TNN: variants seen among roughly 807,000 people sequenced by gnomAD.
TNN encodes tenascin-N.
In TNN, 122 loss-of-function variants were observed where a neutral mutation model predicts 134.4. The observed-to-expected ratio is 0.91, with a 90% CI of 0.78 to 1.06. The LOEUF (loss-of-function observed/expected upper bound fraction) is 1.06. Ranked by LOEUF, TNN falls within the 50% of genes least tolerant of loss-of-function variation. TNN has a pLI of 0.00. For synonymous variants in TNN, 710 were observed against 670.3 expected (o/e 1.06, Z -0.91); for missense variants, 1,739 against 1,699.4 (o/e 1.02, Z -0.41).
At chr1:175,076,424 C>A (rs1288245284) in intron 1 of TNN, among the ~76,000 whole-genome samples, 4 of 152,172 alleles carry the variant, frequency 2.6e-5, no homozygotes, top group Non-Finnish European at 5.9e-5. Flanking sequence ...AACAGGCTCA[C>A]GGCCTAAGAC....
chr1:175,123,687 G>T, intron 12 of TNN, 24 bp downstream of exon 12: 1 of 1,613,482 alleles, frequency 6.2e-7, no homozygotes, highest in Non-Finnish European at 8.5e-7. Flanking sequence ...CCAGGCCAGG[G>T]GAACACCTCA....
At chr1:175,096,190 A>C (rs1674564427) in intron 7 of TNN, among the ~76,000 whole-genome samples, 1 of 152,268 alleles carries the variant, frequency 6.6e-6, no homozygotes, top group Non-Finnish European at 1.5e-5. Flanking sequence ...GGGGTCATGC[A>C]GGCTGTGGGA....
chr1:175,130,562 G>A (rs1324303375), intron 15 of TNN, among the ~76,000 whole-genome samples: 6 of 152,130 alleles, frequency 3.9e-5, no homozygotes, highest in African/African-American at 1.4e-4. Context: ...CTTTTGGCAG[G>A]ACGTTTGTAT....
chr1:175,135,976 G>A (rs759276965), intron 16 of TNN, 35 bp downstream of exon 16: 4 of 1,499,342 alleles, frequency 2.7e-6, no homozygotes, highest in Middle Eastern at 2.2e-4. Flanking sequence ...TGGGGCTGTG[G>A]GGGGTGATTT....
rs780175332 is a variant in TNN, at chr1:175,079,724, G to A, written c.784+17G>A. ...GTGCCCAGGGTGAGAGCGGAGATGT[G>A]CCCTCGGGCCGCCGGACTCTTCTTT... On this transcript the variant is annotated intron_variant, in intron 3 of 18. Coordinates refer to ENST00000239462, the MANE Select transcript of TNN (RefSeq NM_022093.2). The A allele has an allele frequency of 1.9e-6, 3 of 1,558,450 alleles. No individual in the cohort carries two copies. In the South Asian group the frequency reaches 3.6e-5, roughly 19 times the overall value.
At chr1:175,085,256 CT>C in intron 5 of TNN, 148 bp from the exon 6 acceptor site, 1 of 615,036 alleles carries the variant, frequency 1.6e-6, no homozygotes, top group Non-Finnish European at 3.0e-6. Flanking sequence ...ACCTGCGGGG[CT>C]TTATTTGCCT....
chr1:175,074,215 G>A (rs1160533373), intron 1 of TNN, among the ~76,000 whole-genome samples: 1 of 152,154 alleles, frequency 6.6e-6, no homozygotes, highest in African/African-American at 2.4e-5. Context: ...AGGTGTAGTG[G>A]CTCATGGCTG....
chr1:175,117,456 T>C (rs1442518904), intron 10 of TNN, among the ~76,000 whole-genome samples: 1 of 152,230 alleles, frequency 6.6e-6, no homozygotes, highest in African/African-American at 2.4e-5. Context: ...TCTGATTGCA[T>C]GGATCTTTTG....
At chr1:175,137,364 GTGTGTGTGT>G (rs1304950142) in intron 17 of TNN, among the ~76,000 whole-genome samples, 4 of 31,574 alleles carry the variant, frequency 1.3e-4, no homozygotes, top group African/African-American at 4.8e-4. Flanking sequence ...CTGCACAGTA[GTGTGTGTGT>G]GTGTGTGTGT....
intron 8 of TNN, 65 bp downstream of exon 8, chr1:175,097,748 T>C: frequency 1.3e-6 from 2 of 1,597,118 alleles, no homozygotes. Flanking sequence ...AGGTATGGTA[T>C]CAAAGGATGT....
chr1:175,071,818 A>G (rs1673921281), intron 1 of TNN, among the ~76,000 whole-genome samples: 1 of 152,218 alleles, frequency 6.6e-6, no homozygotes, highest in South Asian at 2.1e-4. Context: ...GATAATTTTT[A>G]TAGCGTTTGG....
rs1353685822 is a variant in TNN at position 175,140,191 on chromosome 1, C to G, written c.3595+3203C>G. On this transcript the variant is annotated intron_variant, in intron 17 of 18. Coordinates refer to ENST00000239462, the MANE Select transcript of TNN (RefSeq NM_022093.2). The stretch of plus-strand genomic sequence containing the variant: ...CACACATTCCAGTCTGTCCCAGAGC[C>G]CTTGGGCCTCTTCAGTCCACATGGA... Among the ~76,000 whole-genome samples the G allele has an allele frequency of 3.3e-5, 5 of 152,238 alleles. No individual in the cohort carries two copies. The East Asian group carries it at 7.7e-4, about 23-fold the overall frequency.
At chr1:175,120,430 C>A (rs1452763444) in intron 11 of TNN, among the ~76,000 whole-genome samples, 1 of 152,176 alleles carries the variant, frequency 6.6e-6, no homozygotes, top group Non-Finnish European at 1.5e-5. Context: ...GTTGCATCAG[C>A]AGGAATGGAG....
chr1:175,124,838 C>T (rs1675468424), intron 12 of TNN, among the ~76,000 whole-genome samples: 1 of 152,184 alleles, frequency 6.6e-6, no homozygotes, highest in African/African-American at 2.4e-5. Context: ...TTTCTCTGTT[C>T]CTTTCTCTCT....
Position 175,104,788 on chromosome 1 carries a change from G to A in TNN, c.2119+6193G>A, listed in dbSNP as rs972923870. ...TATCTTTTAGAATCAATTGACCCTC[G>A]AGTGATTCGGGTGACAGGGGAGTAT... On this transcript the variant is annotated intron_variant, in intron 9 of 18. Coordinates refer to ENST00000239462, the MANE Select transcript of TNN (RefSeq NM_022093.2). Among the ~76,000 whole-genome samples the A allele has an allele frequency of 4.8e-5, 7 of 145,884 alleles. 2 individuals carry two copies. The highest frequency in any genetic ancestry group is 4.6e-4 in the East Asian group (2 of 4,358).
rs149902840 is a variant in TNN at position 175,109,384 on chromosome 1, G to A, written c.2120-7555G>A. Among the ~76,000 whole-genome samples the A allele has an allele frequency of 3.7e-3, 565 of 151,822 alleles. 4 individuals are homozygous for A. Among genetic ancestry groups the A allele is most frequent in the African/African-American group, 0.013 (518 of 41,438 alleles). On this transcript the variant is annotated intron_variant, in intron 9 of 18. Transcript: ENST00000239462. ...ATTACAGGCGTGAGCCACCGGGCCCGGCCTATCTAACTGTATTTTTAAACC... is the reference window on the plus strand; with the variant it reads ...ATTACAGGCGTGAGCCACCGGGCCCAGCCTATCTAACTGTATTTTTAAACC...
intron 5 of TNN, 73 bp from the exon 6 acceptor site, chr1:175,085,332 C>T (rs1674297332): frequency 1.1e-6 from 1 of 941,822 alleles, no homozygotes; most frequent in South Asian, 1.4e-5. Context: ...GGGAGAAATC[C>T]CAGGGAGGAG....
Position 175,094,206 on chromosome 1 carries a change from A to C in TNN, c.1541A>C (p.Glu514Ala). 2 of 1,612,844 alleles carry C rather than the reference A, an allele frequency of 1.2e-6. No individual in the cohort carries two copies. Among genetic ancestry groups the C allele is most frequent in the South Asian group, 1.1e-5 (1 of 90,950 alleles). Residue 514 changes from glutamate (E) to alanine (A), a missense_variant, in exon 7 of 19, where the codon GAA (glutamate) becomes GCA (alanine). Glu to Ala is a moderately radical substitution (Grantham distance 107). Transcript: ENST00000239462. ...GCATACAAGGTCTACGTGTGGGCTGAAAGGGGCAACCAGGGGAGCAAGAAA... is the reference window on the plus strand; with the variant it reads ...GCATACAAGGTCTACGTGTGGGCTGCAAGGGGCAACCAGGGGAGCAAGAAA... The part of the protein sequence containing the change: ...GEAYKVYVWA[E>A]RGNQGSKKAD...
intron 9 of TNN, among the ~76,000 whole-genome samples, chr1:175,103,588 T>G (rs368675097): frequency 6.9e-6 from 1 of 145,676 alleles, no homozygotes; most frequent in Non-Finnish European, 1.5e-5. Flanking sequence ...TTACTACTTC[T>G]ATCTCTCTCT....
Sources: allele counts gnomAD v4.1 joint callset (sites outside exome capture counted in the v4.1 genomes callset), GRCh38; gene constraint gnomAD v4.1.1; transcripts MANE v1.5; gene names NCBI Gene and HGNC (gene_info 2026-07-23, HGNC 2026-07-21).